The following SLC39A11 variants were observed in gnomAD, a reference collection of about 807,000 sequenced individuals.
SLC39A11 encodes solute carrier family 39 member 11.
A neutral mutation model predicts 36.1 loss-of-function variants in SLC39A11; 33 were observed. That is an observed-to-expected ratio of 0.91 (90% CI 0.69 to 1.22). SLC39A11 has a LOEUF of 1.22. Among genes scored for constraint, SLC39A11 ranks in the 50% most tolerant of loss-of-function variants. SLC39A11 has a pLI of 0.00. For synonymous variants in SLC39A11, 166 were observed against 170.3 expected (o/e 0.97, Z 0.20); for missense variants, 432 against 430.3 (o/e 1.00, Z -0.03).
At chr17:72,839,893 C>T (rs1343275153) in intron 6 of SLC39A11, among the ~76,000 whole-genome samples, 10 of 152,166 alleles carry the variant, frequency 6.6e-5, no homozygotes, top group Admixed American at 3.3e-4. Flanking sequence ...ACCACGCCAA[C>T]GTGGTGCTGC....
intron 6 of SLC39A11, among the ~76,000 whole-genome samples, chr17:72,825,568 A>C (rs1029620685): frequency 6.6e-6 from 1 of 152,132 alleles, no homozygotes; most frequent in Non-Finnish European, 1.5e-5. Flanking sequence ...AGAATGGTAG[A>C]TCCACTGACA....
intron 4 of SLC39A11, among the ~76,000 whole-genome samples, chr17:72,980,562 T>G (rs1035811298): frequency 6.6e-6 from 1 of 152,128 alleles, no homozygotes; most frequent in Non-Finnish European, 1.5e-5. Context: ...ATGCTAAAGT[T>G]CACATGGGAA....
chr17:72,859,751 G>C (rs1377754351), intron 5 of SLC39A11, among the ~76,000 whole-genome samples: 2 of 145,888 alleles, frequency 1.4e-5, no homozygotes, highest in African/African-American at 5.1e-5. Flanking sequence ...ATTTATTATG[G>C]GCCAAGGCTG....
intron 6 of SLC39A11, among the ~76,000 whole-genome samples, chr17:72,806,151 A>G (rs1021229085): frequency 2.0e-5 from 3 of 152,166 alleles, no homozygotes; most frequent in African/African-American, 7.2e-5. Context: ...TAGTGAAGGC[A>G]GAAGGGTGTT....
chr17:73,089,418 C>A (rs1375841941), intron 1 of SLC39A11, among the ~76,000 whole-genome samples: 1 of 152,178 alleles, frequency 6.6e-6, no homozygotes, highest in Non-Finnish European at 1.5e-5. Flanking sequence ...GCCTCCAAGT[C>A]CCTGTTCATG....
chr17:72,904,983 C>T (rs923881943), intron 5 of SLC39A11, among the ~76,000 whole-genome samples: 8 of 151,158 alleles, frequency 5.3e-5, no homozygotes, highest in African/African-American at 1.5e-4. Context: ...ACCATCCTGG[C>T]GAACATGGTG....
chr17:72,745,113 A>G (rs1427329637), intron 6 of SLC39A11, among the ~76,000 whole-genome samples: 1 of 152,210 alleles, frequency 6.6e-6, no homozygotes, highest in Non-Finnish European at 1.5e-5. Context: ...GAGTGCTGGG[A>G]TTACCGGCAT....
At chr17:73,084,529 T>C (rs1002316047) in intron 3 of SLC39A11, among the ~76,000 whole-genome samples, 2 of 151,544 alleles carry the variant, frequency 1.3e-5, no homozygotes, top group African/African-American at 4.9e-5. Context: ...GAGCCAACTA[T>C]GTATTAGGCT....
At chr17:72,693,793 G>A (rs1384078837) in intron 7 of SLC39A11, among the ~76,000 whole-genome samples, 1 of 152,154 alleles carries the variant, frequency 6.6e-6, no homozygotes, top group Non-Finnish European at 1.5e-5. Context: ...CTCCCAAGCA[G>A]CTGGAATTAC....
At chr17:72,771,363 A>G (rs1394907177) in intron 6 of SLC39A11, among the ~76,000 whole-genome samples, 1 of 152,032 alleles carries the variant, frequency 6.6e-6, no homozygotes, top group Admixed American at 6.6e-5. Flanking sequence ...CTAAAAAAAA[A>G]AAAAAAATCC....
chr17:73,060,075 G>C (rs2059791828), intron 3 of SLC39A11, among the ~76,000 whole-genome samples: 1 of 152,034 alleles, frequency 6.6e-6, no homozygotes, highest in South Asian at 2.1e-4. Context: ...CAAGCATGGT[G>C]GTGGGTGCCT....
At chr17:72,830,999 CTT>C (rs1334132237) in intron 6 of SLC39A11, among the ~76,000 whole-genome samples, 1 of 152,070 alleles carries the variant, frequency 6.6e-6, no homozygotes, top group Non-Finnish European at 1.5e-5. Context: ...GTCACTGAGA[CTT>C]AGTGATTTTT....
intron 7 of SLC39A11, among the ~76,000 whole-genome samples, chr17:72,672,354 C>A (rs913762468): frequency 1.3e-5 from 2 of 152,138 alleles, no homozygotes; most frequent in African/African-American, 4.8e-5. Context: ...GAGGTTGAGG[C>A]ATGAAAGTAG....
At chr17:72,914,154 A>C (rs1441231870) in intron 5 of SLC39A11, among the ~76,000 whole-genome samples, 1 of 151,964 alleles carries the variant, frequency 6.6e-6, no homozygotes, top group Non-Finnish European at 1.5e-5. Flanking sequence ...GTCTCTACCA[A>C]AAATACAAAA....
intron 7 of SLC39A11, among the ~76,000 whole-genome samples, chr17:72,671,645 C>A (rs1159498716): frequency 6.6e-6 from 1 of 152,022 alleles, no homozygotes; most frequent in African/African-American, 2.4e-5. Context: ...CGTTTGAACC[C>A]AGGAGGTGGC....
intron 4 of SLC39A11, among the ~76,000 whole-genome samples, chr17:72,986,614 C>CTAA (rs2088782368): frequency 4.6e-5 from 7 of 152,234 alleles, no homozygotes; most frequent in Admixed American, 4.6e-4. Context: ...GCTTGGGAGA[C>CTAA]ACATACAGTC....
At position 72,905,914 on chromosome 17, in the gene SLC39A11, C is replaced by T. The variant is rs148430279; in HGVS notation, c.430+41838G>A. 8.9e-3 allele frequency among the ~76,000 whole-genome samples: 1,353 copies of T among 152,164 alleles called. 18 individuals carry two copies. Among genetic ancestry groups the T allele is most frequent in the African/African-American group, 0.03 (1,260 of 41,516 alleles). ...GACTACAGGCGCCCGCCACCACGCCCGGCTAATGTTTTGTATATTTAGTAG... is the reference window on the plus strand; with the variant it reads ...GACTACAGGCGCCCGCCACCACGCCTGGCTAATGTTTTGTATATTTAGTAG... On this transcript the variant is annotated intron_variant, in intron 5 of 9. Coordinates refer to ENST00000255559, the MANE Select transcript of SLC39A11 (RefSeq NM_139177.4).
chr17:73,046,926 G>A (rs908627415), intron 3 of SLC39A11, among the ~76,000 whole-genome samples: 6 of 152,154 alleles, frequency 3.9e-5, no homozygotes, highest in African/African-American at 1.2e-4. Flanking sequence ...GAGCAACAGA[G>A]TGTGACCCAG....
intron 5 of SLC39A11, among the ~76,000 whole-genome samples, chr17:72,887,890 T>C (rs2081515370): frequency 1.3e-5 from 2 of 152,234 alleles, no homozygotes; most frequent in African/African-American, 4.8e-5. Context: ...ACCCTAAGTG[T>C]GAATGTGCTT....
Sources: gnomAD v4.1 joint callset for allele counts (sites outside exome capture counted in the v4.1 genomes callset) on GRCh38, gnomAD v4.1.1 for gene constraint, MANE v1.5 for transcripts, NCBI Gene and HGNC (gene_info 2026-07-23, HGNC 2026-07-21) for gene names.